The following CD22 variants were observed in gnomAD, a reference collection of about 807,000 sequenced individuals.
CD22 encodes B-cell receptor CD22.
CD22 carries 51 observed loss-of-function variants against 94.7 expected under a neutral mutation model. The ratio of observed to expected loss-of-function variants is 0.54; its 90% confidence interval spans 0.43 to 0.68. CD22 has a LOEUF of 0.68. CD22 is among the 30% of genes least tolerant of loss of function. CD22 has a pLI of 0.00. For missense variants in CD22, 931 were observed against 1,060.4 expected, an observed-to-expected ratio of 0.88 and a Z score of 1.69; for synonymous variants, 424 against 422.5, an observed-to-expected ratio of 1.00 and a Z score of -0.04.
intron 4 of CD22, among the ~76,000 whole-genome samples, chr19:35,336,920 G>A (rs1019021423): frequency 6.6e-6 from 1 of 152,160 alleles, no homozygotes; most frequent in Non-Finnish European, 1.5e-5. Context: ...AGAGAGGGGA[G>A]TGATGGAGAG....
chr19:35,343,769 A>G (rs1330860279), intron 9 of CD22, among the ~76,000 whole-genome samples: 1 of 152,220 alleles, frequency 6.6e-6, no homozygotes, highest in East Asian at 1.9e-4. Context: ...ACGAACAAAC[A>G]AAACAATAAC....
chr19:35,346,334 G>A (rs2066907119), intron 13 of CD22, 99 bp downstream of exon 13: 1 of 1,181,720 alleles, frequency 8.5e-7, no homozygotes, highest in Non-Finnish European at 1.3e-6. Context: ...GAGTTGGGTA[G>A]GCATCCGTGG....
intron 4 of CD22, 178 bp downstream of exon 4, chr19:35,336,519 A>G: frequency 1.6e-6 from 1 of 608,070 alleles, no homozygotes; most frequent in Non-Finnish European, 2.9e-6. Flanking sequence ...CTCTAGCCTA[A>G]CAGAATAAAA....
At chr19:35,333,887 A>AT (rs942224084) in intron 3 of CD22, among the ~76,000 whole-genome samples, 4 of 152,056 alleles carry the variant, frequency 2.6e-5, no homozygotes, top group South Asian at 2.1e-4. Flanking sequence ...GGAAATCTAG[A>AT]TTTTCCAGTG....
In CD22 at chr19:35,332,920, C is replaced by T; in HGVS notation, c.408C>T (p.Val136=). The T allele has an allele frequency of 6.2e-7, 1 of 1,612,988 alleles. No individual in the cohort carries two copies. Among genetic ancestry groups the T allele is most frequent in the Non-Finnish European group, 8.5e-7 (1 of 1,179,076 alleles). The change falls in exon 3 of 14, where the codon GTC becomes GTT. Residue 136 remains valine, a synonymous_variant. Transcript: ENST00000085219. The part of the protein sequence containing the change: ...EKWMERIHLN[V]SERPFPPHIQ... ...GGATGGAACGAATACACCTCAATGT[C>T]TCTGGTAAGGCCTTCGGGGAGCGGG...
chr19:35,346,829 C>T lies in CD22; in HGVS notation c.*132C>T. The stretch of plus-strand genomic sequence containing the variant: ...ACACACACACACACGCACACACACA[C>T]ACACACACTCACTGCGGAGAACCTT... On this transcript the variant is annotated 3_prime_UTR_variant, in exon 14 of 14. Coordinates refer to ENST00000085219, the MANE Select transcript of CD22 (RefSeq NM_001771.4). The T allele has an allele frequency of 1.2e-6, 1 of 855,772 alleles. No homozygotes were observed. The highest frequency in any genetic ancestry group is 1.8e-5 in the South Asian group (1 of 55,718). The allele number at this position is 855,772 out of a possible 1,614,324, so 53.0% of individuals were successfully genotyped here.
rs928541844 is a variant in CD22, at chr19:35,337,221, G to A, written c.719-534G>A. On this transcript the variant is annotated intron_variant, in intron 4 of 13. Transcript: ENST00000085219. The surrounding 1 kb of genome is among the most constrained non-coding windows in gnomAD (Gnocchi z 4.4). ...ACCACTGCACTCCAACCTGGGTGAC[G>A]AGTGAGACTCCATCTCAAAAAAAGA... Among the ~76,000 whole-genome samples the A allele has an allele frequency of 6.6e-6, 1 of 152,032 alleles. No individual in the cohort carries two copies. The highest frequency in any genetic ancestry group is 6.6e-5 in the Admixed American group (1 of 15,250).
intron 3 of CD22, 192 bp downstream of exon 3, chr19:35,333,116 C>G (rs10419538): frequency 0.13 from 71,758 of 565,708 alleles, 5,202 homozygotes; most frequent in East Asian, 0.21. Flanking sequence ...ATCTGACCCT[C>G]AGTTCCTGCC....
chr19:35,345,103 A>G lies in CD22; in HGVS notation c.2185A>G (p.Ser729Gly), dbSNP rs758508830. 1.9e-6 allele frequency: 3 copies of G among 1,613,828 alleles called. No homozygotes were observed. In the Admixed American group the frequency reaches 5.0e-5, roughly 27 times the overall value. The change falls in exon 11 of 14, where the codon AGC becomes GGC. Residue 729 changes from serine to glycine, a missense_variant. Coordinates refer to ENST00000085219, the MANE Select transcript of CD22 (RefSeq NM_001771.4). ...QGLQENSSGQ[S>G]FFVRNKKVRR... Reference sequence around the variant, plus strand: ...GCTTCAGGAGAATTCCAGCGGCCAGAGCTTCTTTGTGAGGAATAAAAAGGT... The same window carrying G: ...GCTTCAGGAGAATTCCAGCGGCCAGGGCTTCTTTGTGAGGAATAAAAAGGT...
chr19:35,346,445 C>T, intron 13 of CD22, 121 bp from the exon 14 acceptor site: 1 of 1,379,086 alleles, frequency 7.3e-7, no homozygotes, highest in East Asian at 2.5e-5. Context: ...AGTTTCCTGA[C>T]ACGAGGACAC....
At chr19:35,346,458 G>A (rs555503613) in intron 13 of CD22, 108 bp from the exon 14 acceptor site, 47 of 1,457,966 alleles carry the variant, frequency 3.2e-5, no homozygotes, top group South Asian at 2.7e-4. Context: ...GAGGACACCC[G>A]CCTGGGCTTT....
Position 35,345,616 on chromosome 19 carries a change from C to T in CD22, c.2223C>T (p.Pro741=). 6 of 1,609,124 alleles carry T rather than the reference C, an allele frequency of 3.7e-6. No individual in the cohort carries two copies. Among genetic ancestry groups the T allele is most frequent in the South Asian group, 3.3e-5 (3 of 90,998 alleles). Reference sequence around the variant, plus strand: ...CTCCCTCCCAGGTTAGAAGGGCCCCCCTCTCTGAAGGCCCCCACTCCCTGG... The same window carrying T: ...CTCCCTCCCAGGTTAGAAGGGCCCCTCTCTCTGAAGGCCCCCACTCCCTGG... ...FVRNKKVRRA[P]LSEGPHSLGC... is the part of the protein sequence containing the mutation. The change falls in exon 12 of 14, where the codon CCC becomes CCT. Residue 741 remains proline (P), a synonymous_variant. Transcript: ENST00000085219.
Position 35,340,884 on chromosome 19 carries a change from C to T in CD22, c.1253C>T (p.Pro418Leu), listed in dbSNP as rs1267218475. The T allele has an allele frequency of 6.2e-7, 1 of 1,614,130 alleles. No individual in the cohort carries two copies. Among genetic ancestry groups the T allele is most frequent in the Non-Finnish European group, 8.5e-7 (1 of 1,180,008 alleles). ...CACCTCTCTGGTTTTCTTCCAGATC[C>T]TCCCAAGAAGGTGACCACAGTGATT... Reference protein sequence around the residue: ...GPGAELDVQYPPKKVTTVIQN... With the variant: ...GPGAELDVQYLPKKVTTVIQN... The change falls in exon 7 of 14, where the codon CCT becomes CTT. Residue 418 changes from proline to leucine, a missense_variant. Pro to Leu is a moderately conservative substitution (Grantham distance 98). Transcript: ENST00000085219.
rs535721055 is a variant in CD22 at position 35,341,463 on chromosome 19, G to A, written c.1628G>A (p.Trp543Ter). The A allele has an allele frequency of 6.2e-7, 1 of 1,614,128 alleles. No homozygotes were observed. Among genetic ancestry groups the A allele is most frequent in the South Asian group, 1.1e-5 (1 of 91,086 alleles). ...CACCCCAAAGAAGTCCAGTTCTTCT[G>A]GGAGAAAAATGGCAGGCTTCTGGGG... ...SSHPKEVQFF[W>*]EKNGRLLGKE... Residue 543 changes from tryptophan to a stop codon, truncating the protein, a stop_gained, in exon 8 of 14, where the codon TGG becomes TAG. Transcript: ENST00000085219. LOFTEE classifies it high-confidence loss of function. The surrounding 1 kb of genome is among the most constrained non-coding windows in gnomAD (Gnocchi z 4.0).
At chr19:35,331,789 G>A in intron 1 of CD22, 1 of 708,540 alleles carries the variant, frequency 1.4e-6, no homozygotes, top group Non-Finnish European at 2.1e-6. Flanking sequence ...AGAGGTTGCA[G>A]TGAGCGGAGA....
chr19:35,346,726 G>A lies in CD22; in HGVS notation c.*29G>A, dbSNP rs1269717228. The A allele has an allele frequency of 6.4e-7, 1 of 1,572,132 alleles. No homozygotes were observed. The highest frequency in any genetic ancestry group is 1.4e-5 in the African/African-American group (1 of 74,068). ...TGGATGGGCTGCAGCAGAGGCACTG[G>A]GGGCAGCGGGGGCCAGGGAAGTCCC... On this transcript the variant is annotated 3_prime_UTR_variant, in exon 14 of 14. Coordinates refer to ENST00000085219, the MANE Select transcript of CD22 (RefSeq NM_001771.4).
rs537921842 is a variant in CD22 at position 35,345,356 on chromosome 19, G to T, written c.2208+230G>T. 3.9e-5 allele frequency: 22 copies of T among 570,104 alleles called. No homozygotes were observed. The South Asian group carries it at 4.3e-4, about 11-fold the overall frequency. The allele number at this position is 570,104 out of a possible 1,614,324, so 35.3% of individuals were successfully genotyped here. On this transcript the variant is annotated intron_variant, in intron 11 of 13. Transcript: ENST00000085219. ...GAATCGCTTGAACCTGGGAGGCAGA[G>T]GTTGCAGTGAGCCAAGATTGCGCCA...
Position 35,341,284 on chromosome 19 carries a change from CT to C in CD22, c.1508-58del. 1 of 1,599,458 alleles carries C rather than the reference CT, an allele frequency of 6.3e-7. No individual in the cohort carries two copies. The highest frequency in any genetic ancestry group is 1.1e-5 in the South Asian group (1 of 89,814). On this transcript the variant is annotated intron_variant, in intron 7 of 13. Coordinates refer to ENST00000085219, the MANE Select transcript of CD22 (RefSeq NM_001771.4). The surrounding 1 kb of genome is among the most constrained non-coding windows in gnomAD (Gnocchi z 4.0). ...CGTCAGGGCCAAGGGGAGGGGAGGC[CT>C]GGGGACAGCAAAAGGGACAGGGAGC...
At position 35,344,930 on chromosome 19, in the gene CD22, G is replaced by A; in HGVS notation, c.2132+5G>A. 3 of 1,612,800 alleles carry A rather than the reference G, an allele frequency of 1.9e-6. No homozygotes were observed. Among genetic ancestry groups the A allele is most frequent in the Non-Finnish European group, 2.5e-6 (3 of 1,178,814 alleles). On this transcript the variant is annotated splice_donor_5th_base_variant and intron_variant, in intron 10 of 13. Transcript: ENST00000085219. ...TGGGCTCAAGCTCCAGCGACGGTGA[G>A]CTCCTGCCATCCCCCACCACCTCCT... is the stretch of plus-strand genomic sequence containing the variant.
Sources: allele counts gnomAD v4.1 joint callset (sites outside exome capture counted in the v4.1 genomes callset), GRCh38; gene constraint gnomAD v4.1.1; non-coding constraint Gnocchi (gnomAD v3.1); transcripts MANE v1.5; gene names NCBI Gene and HGNC (gene_info 2026-07-23, HGNC 2026-07-21).